The following RECQL variants were observed in gnomAD, a reference collection of about 807,000 sequenced individuals.
The protein encoded by RECQL is ATP-dependent DNA helicase Q1.
RECQL carries 73 observed loss-of-function variants against 75.8 expected under a neutral mutation model. The observed-to-expected ratio is 0.96, with a 90% CI of 0.80 to 1.17. RECQL has a LOEUF of 1.17. Among genes scored for constraint, RECQL ranks in the 50% most tolerant of loss-of-function variants. The pLI, the probability that RECQL is intolerant of heterozygous loss-of-function variation, is 0.00. For synonymous variants in RECQL, 248 were observed against 254.4 expected (o/e 0.97, Z 0.24); for missense variants, 699 against 772.1 (o/e 0.91, Z 1.12).
At chr12:21,495,373 G>A (rs1371139801) in intron 2 of RECQL, among the ~76,000 whole-genome samples, 1 of 152,188 alleles carries the variant, frequency 6.6e-6, no homozygotes, top group Non-Finnish European at 1.5e-5. Context: ...GAGGCGGGTG[G>A]ATCACGAGAT....
In RECQL at chr12:21,473,552, A is replaced by G. The variant is rs767408144; in HGVS notation, c.1446T>C (p.Ser482=). The G allele has an allele frequency of 1.2e-6, 2 of 1,610,638 alleles. No homozygotes were observed. The highest frequency in any genetic ancestry group is 2.2e-5 in the East Asian group (1 of 44,836). The part of the protein sequence containing the change: ...NKMCDNCCKD[S]AFERKNITEY... ...AGGTTTACAAAACAACAAACTCACC[A>G]CTGTCTTTACAGCAGTTATCGCACA... The change falls in exon 12 of 15, where the codon AGT becomes AGC. Residue 482 remains serine, a splice_region_variant and synonymous_variant. Coordinates refer to ENST00000444129, the MANE Select transcript of RECQL (RefSeq NM_002907.4).
chr12:21,483,540 T>C lies in RECQL; in HGVS notation c.536A>G (p.Asn179Ser). 1 of 1,580,314 alleles carries C rather than the reference T, an allele frequency of 6.3e-7. No individual in the cohort carries two copies. Among genetic ancestry groups the C allele is most frequent in the Non-Finnish European group, 8.5e-7 (1 of 1,170,940 alleles). ...HVKWVHAEMV[N>S]KNSELKLIYV... ...AATCAGCTTTAACTCGGAGTTTTTATTTACCATTTCAGCATGAACCCATTT... is the reference window on the plus strand; with the variant it reads ...AATCAGCTTTAACTCGGAGTTTTTACTTACCATTTCAGCATGAACCCATTT... Residue 179 changes from asparagine (N) to serine (S), a missense_variant, in exon 6 of 15, where the codon AAT becomes AGT. This residue lies in a region of RECQL where 669 missense variants were observed against 713.5 expected (regional missense o/e 0.94). Transcript: ENST00000444129.
Position 21,471,068 on chromosome 12 carries a change from G to C in RECQL, c.1698C>G (p.Thr566=), listed in dbSNP as rs1412385354. ...KEDYSFTAYA[T]ISYLKIGPKA... is the part of the protein sequence containing the mutation. ...TAGGTCCTATTTTCAAATACGAAAT[G>C]GTAGCATAAGCTGTAAAACTGTAGT... The change falls in exon 14 of 15, where the codon ACC becomes ACG. Residue 566 remains threonine (T), a synonymous_variant. Coordinates refer to ENST00000444129, the MANE Select transcript of RECQL (RefSeq NM_002907.4). The C allele has an allele frequency of 1.9e-6, 3 of 1,600,274 alleles. No individual in the cohort carries two copies. The highest frequency in any genetic ancestry group is 2.6e-6 in the Non-Finnish European group (3 of 1,174,572).
rs75040446 is a variant in RECQL, at chr12:21,501,600, G to C, written c.-476C>G. The C allele has an allele frequency of 4.1e-3, 1,518 of 371,500 alleles. 29 individuals carry two copies. Among genetic ancestry groups the C allele is most frequent in the African/African-American group, 0.029 (1,366 of 47,706 alleles). The allele number at this position is 371,500 out of a possible 1,614,324, so 23.0% of individuals were successfully genotyped here. A position where few individuals can be genotyped will look rare whatever the true frequency, so the allele number is the denominator to read the frequency against. On this transcript the variant is annotated 5_prime_UTR_variant, in exon 1 of 15. Coordinates refer to ENST00000444129, the MANE Select transcript of RECQL (RefSeq NM_002907.4). ...GAGCAGATCTTTCCGCTACTCGGGAGTAAAATCTTCCCGCCAGCCAGCTGA... is the reference window on the plus strand; with the variant it reads ...GAGCAGATCTTTCCGCTACTCGGGACTAAAATCTTCCCGCCAGCCAGCTGA...
chr12:21,491,500 A>C lies in RECQL; in HGVS notation c.214+19T>G. ...TGAGAAGAAATAAAACTAGCAAAAA[A>C]AAAAAAAAAAAAGTTAACCTTCTTT... On this transcript the variant is annotated intron_variant, in intron 3 of 14. Coordinates refer to ENST00000444129, the MANE Select transcript of RECQL (RefSeq NM_002907.4). The C allele has an allele frequency of 1.9e-6, 3 of 1,558,108 alleles. No individual in the cohort carries two copies. The highest frequency in any genetic ancestry group is 2.6e-6 in the Non-Finnish European group (3 of 1,162,288).
chr12:21,495,315 G>A (rs572277222), intron 2 of RECQL, among the ~76,000 whole-genome samples: 3 of 152,246 alleles, frequency 2.0e-5, no homozygotes, highest in East Asian at 3.9e-4. Context: ...AAGAGAAATC[G>A]GCCAGGCACG....
chr12:21,483,061 A>G (rs1450894799), intron 6 of RECQL, among the ~76,000 whole-genome samples: 1 of 149,568 alleles, frequency 6.7e-6, no homozygotes, highest in East Asian at 2.0e-4. Context: ...GCTAGTAAAC[A>G]TATGTGTCCA....
Position 21,491,576 on chromosome 12 carries a change from A to G in RECQL, c.157T>C (p.Ser53Pro). ...TATTCATTGCTTGCCCCGGCATCAG[A>G]ATCCTCTAAACACTGCTTTATTTTC... is the stretch of plus-strand genomic sequence containing the variant. ...TKKIKQCLEDSDAGASNEYDS... is the reference protein window; with the variant it reads ...TKKIKQCLEDPDAGASNEYDS... Residue 53 changes from serine (S) to proline (P), a missense_variant, in exon 3 of 15, where the codon TCT becomes CCT. Ser to Pro is a moderately conservative substitution (Grantham distance 74). Around this residue, in one of 2 missense-constraint regions of RECQL, gnomAD observed 669 missense variants for 713.5 expected, o/e 0.94. Coordinates refer to ENST00000444129, the MANE Select transcript of RECQL (RefSeq NM_002907.4). 1 of 1,612,802 alleles carries G rather than the reference A, an allele frequency of 6.2e-7. No individual in the cohort carries two copies. The highest frequency in any genetic ancestry group is 8.5e-7 in the Non-Finnish European group (1 of 1,179,816).
intron 7 of RECQL, 151 bp from the exon 8 acceptor site, chr12:21,477,143 C>T: frequency 2.0e-6 from 1 of 509,332 alleles, no homozygotes. Context: ...ACCCATCTGA[C>T]TCATCTGTTC....
At chr12:21,497,820 C>T (rs909973730) in intron 2 of RECQL, among the ~76,000 whole-genome samples, 1 of 152,204 alleles carries the variant, frequency 6.6e-6, no homozygotes, top group Admixed American at 6.5e-5. Context: ...TGGCTACATC[C>T]AGAGCTAAGT....
At chr12:21,485,681 A>G (rs1943280942) in intron 5 of RECQL, among the ~76,000 whole-genome samples, 1 of 152,162 alleles carries the variant, frequency 6.6e-6, no homozygotes, top group Non-Finnish European at 1.5e-5. Context: ...AGAATTTACA[A>G]TTAAAATATG....
At chr12:21,473,499 T>C in intron 12 of RECQL, 52 bp downstream of exon 12, 2 of 1,330,366 alleles carry the variant, frequency 1.5e-6, no homozygotes, top group South Asian at 1.2e-5. Context: ...TCTCTGTCAC[T>C]AGGCATTATG....
Position 21,473,592 on chromosome 12 carries a change from T to G in RECQL, c.1406A>C (p.Glu469Ala), listed in dbSNP as rs1326787232. The G allele has an allele frequency of 6.2e-7, 1 of 1,612,944 alleles. No homozygotes were observed. ...AQHFDEVWNS[E>A]ACNKMCDNCC... ...GTTATCGCACATTTTGTTACATGCTTCTGAGTTCCATACTTCATCAAAATG... is the reference window on the plus strand; with the variant it reads ...GTTATCGCACATTTTGTTACATGCTGCTGAGTTCCATACTTCATCAAAATG... The change falls in exon 12 of 15, where the codon GAA becomes GCA. Residue 469 changes from glutamate to alanine, a missense_variant. This residue lies in a region of RECQL where 669 missense variants were observed against 713.5 expected (regional missense o/e 0.94). Coordinates refer to ENST00000444129, the MANE Select transcript of RECQL (RefSeq NM_002907.4).
intron 7 of RECQL, 68 bp from the exon 8 acceptor site, chr12:21,477,060 C>T: frequency 1.1e-6 from 1 of 907,266 alleles, no homozygotes; most frequent in South Asian, 1.7e-5. Context: ...CTATGTACAA[C>T]TTTCAGGATG....
chr12:21,490,596 A>G (rs984378416), intron 3 of RECQL, among the ~76,000 whole-genome samples: 3 of 152,272 alleles, frequency 2.0e-5, no homozygotes, highest in Middle Eastern at 3.4e-3. Context: ...TATAATCTCA[A>G]CAGTTTTGGG....
intron 7 of RECQL, among the ~76,000 whole-genome samples, chr12:21,477,241 G>GA (rs1164822714): frequency 6.6e-6 from 1 of 152,084 alleles, no homozygotes; most frequent in Non-Finnish European, 1.5e-5. Flanking sequence ...CAAGGATGCA[G>GA]ACTTTTTTAT....
rs1591962339 is a variant in RECQL at position 21,468,935 on chromosome 12, A to G, written c.*1259T>C. On this transcript the variant is annotated 3_prime_UTR_variant, in exon 15 of 15. Coordinates refer to ENST00000444129, the MANE Select transcript of RECQL (RefSeq NM_002907.4). ...TAAGTTTGAAATCAGTTCAAAGTTT[A>G]TTTATAGATATATCTTTCCAATACA... The G allele has an allele frequency of 1.1e-5, 6 of 569,636 alleles. No individual in the cohort carries two copies. In the East Asian group the frequency reaches 2.0e-4, roughly 19 times the overall value. 35.3% of individuals were successfully genotyped at this position (569,636 alleles called of 1,614,324 possible). A position where few individuals can be genotyped will look rare whatever the true frequency, so the allele number is the denominator to read the frequency against.
chr12:21,472,206 ACTGG>A (rs1289302086), intron 12 of RECQL, among the ~76,000 whole-genome samples: 18 of 152,140 alleles, frequency 1.2e-4, no homozygotes, highest in African/African-American at 3.9e-4. Flanking sequence ...ACCATGAGGT[ACTGG>A]CTAGTCCAGA....
At position 21,482,006 on chromosome 12, in the gene RECQL, G is replaced by C. The variant is rs534924636; in HGVS notation, c.700+1370C>G. Among the ~76,000 whole-genome samples the C allele has an allele frequency of 2.7e-5, 4 of 147,260 alleles. No individual in the cohort carries two copies. The Admixed American group carries it at 2.7e-4, about 10-fold the overall frequency. On this transcript the variant is annotated intron_variant, in intron 6 of 14. Transcript: ENST00000444129. ...GGTGGTGGCAGAAGCATGATTCAAT[G>C]AGTTCAGAATGGGTTAAAGGTGAAA...
Sources: gnomAD v4.1 joint callset for allele counts (sites outside exome capture counted in the v4.1 genomes callset) on GRCh38, gnomAD v4.1.1 for gene constraint, gnomAD v4.1.1 regional missense constraint, MANE v1.5 for transcripts, NCBI Gene and HGNC (gene_info 2026-07-23, HGNC 2026-07-21) for gene names.